The following RNF13 variants were observed in gnomAD, a reference collection of about 807,000 sequenced individuals.
RNF13 encodes ring finger protein 13.
RNF13 carries 19 observed loss-of-function variants against 37.7 expected under a neutral mutation model. The observed-to-expected ratio is 0.50, with a 90% confidence interval of 0.35 to 0.74. RNF13 has a LOEUF of 0.74. Among genes scored for constraint, RNF13 ranks in the 30% least tolerant of loss-of-function variants. The pLI is 0.01. For missense variants in RNF13, 375 were observed against 453.0 expected (o/e 0.83, Z 1.56); for synonymous variants, 144 against 157.8 (o/e 0.91, Z 0.65).
At chr3:149,932,640 C>T (rs1719276930) in intron 8 of RNF13, among the ~76,000 whole-genome samples, 1 of 152,210 alleles carries the variant, frequency 6.6e-6, no homozygotes, top group Non-Finnish European at 1.5e-5. Flanking sequence ...TTTAAAGCTC[C>T]AACATAATCT....
chr3:149,888,652 A>G (rs1425615303), intron 4 of RNF13, among the ~76,000 whole-genome samples: 1 of 152,220 alleles, frequency 6.6e-6, no homozygotes. Flanking sequence ...AGTATGTATC[A>G]TTTTACATGA....
Position 149,895,463 on chromosome 3 carries a change from T to G in RNF13, c.322-10T>G, listed in dbSNP as rs1715149584. ...TAACATAATTTTTTTTTTTTTTTTT[T>G]GCTTTGCAGGTTTTAAATGCACAGA... On this transcript the variant is annotated splice_polypyrimidine_tract_variant and intron_variant, in intron 4 of 9. Coordinates refer to ENST00000392894, the MANE Select transcript of RNF13 (RefSeq NM_183381.3). The G allele has an allele frequency of 5.8e-6, 6 of 1,029,318 alleles. No individual in the cohort carries two copies. The highest frequency in any genetic ancestry group is 7.6e-6 in the Non-Finnish European group (6 of 786,382). 63.8% of individuals were successfully genotyped at this position (1,029,318 alleles called of 1,614,324 possible).
chr3:149,926,527 G>A (rs1718674329), intron 8 of RNF13, among the ~76,000 whole-genome samples: 1 of 151,990 alleles, frequency 6.6e-6, no homozygotes. Flanking sequence ...TGTTTTTAGA[G>A]TACGTTTTCT....
chr3:149,824,043 A>C (rs1436368732), intron 1 of RNF13, among the ~76,000 whole-genome samples: 1 of 152,232 alleles, frequency 6.6e-6, no homozygotes, highest in Non-Finnish European at 1.5e-5. Context: ...GTGCTCAAGA[A>C]TGTTGGGAAC....
At chr3:149,872,627 T>C (rs567491420) in intron 4 of RNF13, among the ~76,000 whole-genome samples, 1 of 152,328 alleles carries the variant, frequency 6.6e-6, no homozygotes, top group East Asian at 1.9e-4. Context: ...GTGTATGGTT[T>C]TTTAAAGTCT....
chr3:149,848,903 T>G (rs924428890), intron 2 of RNF13, among the ~76,000 whole-genome samples: 11 of 152,132 alleles, frequency 7.2e-5, no homozygotes, highest in African/African-American at 2.7e-4. Context: ...CCATGAGTAC[T>G]TGGAAGGCAG....
Position 149,961,374 on chromosome 3 carries a change from A to AT in RNF13, c.*271dup, listed in dbSNP as rs35367664. On this transcript the variant is annotated 3_prime_UTR_variant, in exon 10 of 10. Transcript: ENST00000392894. Reference sequence around the variant, plus strand: ...ATAGCCAAAACATAAAAAAAAAAAAATCCTCAGTATAGCTTGCAATTAAGA... The same window carrying AT: ...ATAGCCAAAACATAAAAAAAAAAAAATTCCTCAGTATAGCTTGCAATTAAGA... The AT allele has an allele frequency of 0.032, 18,525 of 582,138 alleles. 175 individuals carry two copies. The highest frequency in any genetic ancestry group is 0.042 in the Non-Finnish European group (13,080 of 312,092). 36.1% of individuals were successfully genotyped at this position (582,138 alleles called of 1,614,324 possible).
At chr3:149,863,280 A>G (rs1344135396) in intron 3 of RNF13, among the ~76,000 whole-genome samples, 1 of 152,266 alleles carries the variant, frequency 6.6e-6, no homozygotes, top group Non-Finnish European at 1.5e-5. Flanking sequence ...GTGGTAAGTA[A>G]TGAATGAGTG....
intron 7 of RNF13, among the ~76,000 whole-genome samples, chr3:149,915,645 A>G (rs1208382957): frequency 2.0e-5 from 3 of 152,254 alleles, no homozygotes; most frequent in African/African-American, 4.8e-5. Context: ...GAATATGCAT[A>G]CAATGGAATA....
chr3:149,887,160 C>T (rs1397460887), intron 4 of RNF13, among the ~76,000 whole-genome samples: 1 of 152,174 alleles, frequency 6.6e-6, no homozygotes, highest in Non-Finnish European at 1.5e-5. Flanking sequence ...AGAGTCTGTG[C>T]ACTAGGAGTA....
chr3:149,854,446 T>C (rs1174990388), intron 3 of RNF13, among the ~76,000 whole-genome samples: 5 of 152,218 alleles, frequency 3.3e-5, no homozygotes, highest in African/African-American at 1.2e-4. Context: ...CATAAACTTA[T>C]GAACATGTAT....
At chr3:149,825,311 G>A (rs557092326) in intron 1 of RNF13, among the ~76,000 whole-genome samples, 137 of 152,098 alleles carry the variant, frequency 9.0e-4, no homozygotes, top group African/African-American at 3.1e-3. Context: ...GGGATTACAG[G>A]CACCACCACG....
intron 1 of RNF13, among the ~76,000 whole-genome samples, chr3:149,840,390 TAC>T (rs146605758): frequency 0.028 from 4,198 of 152,256 alleles, 85 homozygotes; most frequent in South Asian, 0.054. Flanking sequence ...TCAAAATGAA[TAC>T]AGAGTTATAT....
intron 5 of RNF13, among the ~76,000 whole-genome samples, chr3:149,896,012 T>C (rs1312712977): frequency 6.6e-6 from 1 of 152,224 alleles, no homozygotes; most frequent in Non-Finnish European, 1.5e-5. Flanking sequence ...GGTATGTTCA[T>C]AGTTTTTCAT....
intron 5 of RNF13, among the ~76,000 whole-genome samples, chr3:149,900,210 A>G (rs1185162338): frequency 6.6e-6 from 1 of 152,186 alleles, no homozygotes; most frequent in East Asian, 1.9e-4. Flanking sequence ...GGTTACTTCC[A>G]ATATTATTAG....
At chr3:149,927,839 G>A (rs1366307382) in intron 8 of RNF13, among the ~76,000 whole-genome samples, 2 of 151,822 alleles carry the variant, frequency 1.3e-5, no homozygotes, top group Non-Finnish European at 2.9e-5. Flanking sequence ...AGTTATAGGA[G>A]TTCTTTGTAT....
chr3:149,952,602 A>G (rs1037701774), intron 8 of RNF13, among the ~76,000 whole-genome samples: 2 of 151,638 alleles, frequency 1.3e-5, no homozygotes, highest in African/African-American at 4.9e-5. Flanking sequence ...GTAAAAGGAA[A>G]TGCTTTTTTT....
intron 6 of RNF13, among the ~76,000 whole-genome samples, chr3:149,911,252 A>G (rs1009570709): frequency 2.6e-5 from 4 of 152,234 alleles, no homozygotes; most frequent in Non-Finnish European, 5.9e-5. Context: ...TTCCATAGGA[A>G]GAACTTATGA....
intron 4 of RNF13, among the ~76,000 whole-genome samples, chr3:149,891,974 A>G (rs564636294): frequency 7.2e-5 from 11 of 152,232 alleles, no homozygotes; most frequent in South Asian, 2.1e-4. Flanking sequence ...CCTTGTTTGT[A>G]TTCATAAGCC....
Sources: gnomAD v4.1 joint callset for allele counts (sites outside exome capture counted in the v4.1 genomes callset) on GRCh38, gnomAD v4.1.1 for gene constraint, MANE v1.5 for transcripts, NCBI Gene and HGNC (gene_info 2026-07-23, HGNC 2026-07-21) for gene names.